The following MBOAT1 variants were observed in gnomAD, a reference collection of about 807,000 sequenced individuals.
MBOAT1 encodes the protein membrane bound glycerophospholipid O-acyltransferase 1.
In MBOAT1, 67 loss-of-function variants were observed where a neutral mutation model predicts 64.4. The ratio of observed to expected loss-of-function variants is 1.04; its 90% CI spans 0.85 to 1.27. The LOEUF is 1.27. Ranked by LOEUF, MBOAT1 falls within the 50% of genes most tolerant of loss-of-function variation. The pLI, the probability that MBOAT1 is intolerant of heterozygous loss-of-function variation, is 0.00. For synonymous variants in MBOAT1, 229 were observed against 218.9 expected, an observed-to-expected ratio of 1.05 and a Z score of -0.41; for missense variants, 563 against 604.6, an observed-to-expected ratio of 0.93 and a Z score of 0.72.
chr6:20,195,605 C>CTGTGTGTG lies in MBOAT1; in HGVS notation c.99+16523_99+16530dup, dbSNP rs10540923. Among the ~76,000 whole-genome samples the CTGTGTGTG allele has an allele frequency of 5.5e-3, 828 of 149,640 alleles. 6 individuals carry two copies. Among genetic ancestry groups the CTGTGTGTG allele is most frequent in the African/African-American group, 0.015 (594 of 40,662 alleles). On this transcript the variant is annotated intron_variant, in intron 1 of 12. Transcript: ENST00000324607. ...CTCAGCTGACAGGAAAATAAATTGC[C>CTGTGTGTG]TGTGTGTGTGTGTGTGTGTGTGTGT...
chr6:20,170,377 A>C (rs1762155431), intron 1 of MBOAT1, among the ~76,000 whole-genome samples: 1 of 152,090 alleles, frequency 6.6e-6, no homozygotes, highest in Non-Finnish European at 1.5e-5. Context: ...ACAGTTCATC[A>C]TCTTCCTCTT....
At chr6:20,189,312 G>C (rs1169145668) in intron 1 of MBOAT1, among the ~76,000 whole-genome samples, 6 of 152,152 alleles carry the variant, frequency 3.9e-5, no homozygotes, top group African/African-American at 1.4e-4. Flanking sequence ...TTGTGGAATG[G>C]CTCAGTCAAG....
chr6:20,188,039 A>G (rs1462193376), intron 1 of MBOAT1, among the ~76,000 whole-genome samples: 5 of 152,204 alleles, frequency 3.3e-5, no homozygotes, highest in African/African-American at 1.2e-4. Context: ...ACCTACGTTT[A>G]AAAATAAAGT....
At chr6:20,163,227 G>C (rs1042626833) in intron 1 of MBOAT1, among the ~76,000 whole-genome samples, 3 of 152,060 alleles carry the variant, frequency 2.0e-5, no homozygotes, top group South Asian at 4.1e-4. Flanking sequence ...AGCAGGCAGG[G>C]AAGACTGTAT....
chr6:20,137,084 T>G (rs530684292), intron 4 of MBOAT1, among the ~76,000 whole-genome samples: 1 of 152,348 alleles, frequency 6.6e-6, no homozygotes, highest in South Asian at 2.1e-4. Context: ...AATTTTGATT[T>G]CCTTATGGTA....
chr6:20,191,774 T>C (rs1762808951), intron 1 of MBOAT1, among the ~76,000 whole-genome samples: 1 of 152,204 alleles, frequency 6.6e-6, no homozygotes, highest in African/African-American at 2.4e-5. Context: ...AAAAGGCATA[T>C]TTATAGCTTT....
At chr6:20,163,711 C>T (rs1761930708) in intron 1 of MBOAT1, among the ~76,000 whole-genome samples, 1 of 152,204 alleles carries the variant, frequency 6.6e-6, no homozygotes, top group Non-Finnish European at 1.5e-5. Context: ...AGCCTCTGAA[C>T]ATCAGAGTTA....
In MBOAT1 at chr6:20,124,586, G is replaced by A. The variant is rs1332359504; in HGVS notation, c.729C>T (p.His243=). 5 of 1,614,124 alleles carry A rather than the reference G, an allele frequency of 3.1e-6. No homozygotes were observed. Among genetic ancestry groups the A allele is most frequent in the Non-Finnish European group, 2.5e-6 (3 of 1,179,996 alleles). Residue 243 remains histidine (H), a synonymous_variant, in exon 8 of 13, where the codon CAC becomes CAT. Coordinates refer to ENST00000324607, the MANE Select transcript of MBOAT1 (RefSeq NM_001080480.3). ...PEPSPTGAVI[H]KLGITLVSLL... is the part of the protein sequence containing the mutation. ...GAGACACCAAGGTGATGCCCAACTT[G>A]TGTATCACAGCTCCCTGAAAATGGG...
At chr6:20,127,000 C>CA (rs1409911170) in intron 6 of MBOAT1, among the ~76,000 whole-genome samples, 6 of 152,298 alleles carry the variant, frequency 3.9e-5, no homozygotes, top group Admixed American at 6.5e-5. Context: ...CTTATCTCAT[C>CA]AACCTTTCCT....
intron 4 of MBOAT1, among the ~76,000 whole-genome samples, chr6:20,143,968 A>T (rs1412513814): frequency 1.3e-5 from 2 of 152,208 alleles, no homozygotes; most frequent in African/African-American, 2.4e-5. Context: ...GTTCCAATAT[A>T]ACTGTACAAA....
chr6:20,128,809 A>G (rs1253592577), intron 5 of MBOAT1, 56 bp from the exon 6 acceptor site: 2 of 1,245,868 alleles, frequency 1.6e-6, no homozygotes, highest in African/African-American at 1.5e-5. Flanking sequence ...TAGATGACAA[A>G]TTATAAAAGG....
intron 7 of MBOAT1, among the ~76,000 whole-genome samples, chr6:20,125,302 C>T (rs982360982): frequency 1.3e-5 from 2 of 152,162 alleles, no homozygotes; most frequent in African/African-American, 4.8e-5. Context: ...AGCAATAGCA[C>T]CTTCCTCAGA....
intron 1 of MBOAT1, among the ~76,000 whole-genome samples, chr6:20,164,367 C>A (rs962446117): frequency 6.6e-6 from 1 of 152,058 alleles, no homozygotes; most frequent in African/African-American, 2.4e-5. Flanking sequence ...ATAACATCTA[C>A]CCTACCAGAT....
intron 12 of MBOAT1, among the ~76,000 whole-genome samples, chr6:20,105,785 A>C (rs1440774151): frequency 6.6e-6 from 1 of 152,232 alleles, no homozygotes; most frequent in Non-Finnish European, 1.5e-5. Flanking sequence ...CAACTCAAAA[A>C]ACAAATAGAA....
chr6:20,128,597 T>C (rs1369720848), intron 6 of MBOAT1, 102 bp downstream of exon 6: 2 of 777,530 alleles, frequency 2.6e-6, no homozygotes, highest in African/African-American at 3.6e-5. Context: ...AATGATATTA[T>C]ATCCATAGAA....
intron 12 of MBOAT1, among the ~76,000 whole-genome samples, chr6:20,105,667 G>A (rs1031060814): frequency 1.3e-5 from 2 of 152,290 alleles, no homozygotes; most frequent in East Asian, 3.9e-4. Context: ...GGGAGGCTGA[G>A]GTGGGAGGCT....
intron 8 of MBOAT1, 100 bp from the exon 9 acceptor site, chr6:20,118,640 T>C (rs542183587): frequency 3.4e-6 from 3 of 895,452 alleles, no homozygotes; most frequent in South Asian, 1.6e-5. Context: ...TGGAGAAATA[T>C]GCAGTAGTGT....
intron 12 of MBOAT1, among the ~76,000 whole-genome samples, chr6:20,105,970 T>G (rs1759943743): frequency 6.6e-6 from 1 of 152,248 alleles, no homozygotes; most frequent in South Asian, 2.1e-4. Flanking sequence ...CTGAGCACTC[T>G]AAGGCTGAGA....
chr6:20,168,731 A>G, intron 1 of MBOAT1, among the ~76,000 whole-genome samples: 1 of 105,422 alleles, frequency 9.5e-6, no homozygotes, highest in Non-Finnish European at 2.0e-5. Flanking sequence ...AGGGAAGGAA[A>G]AGGAAGGGAG....
Sources: gnomAD v4.1 joint callset for allele counts (sites outside exome capture counted in the v4.1 genomes callset) on GRCh38, gnomAD v4.1.1 for gene constraint, MANE v1.5 for transcripts, NCBI Gene and HGNC (gene_info 2026-07-23, HGNC 2026-07-21) for gene names.